RPS6KA2: variants seen among roughly 807,000 people sequenced by gnomAD.
The protein encoded by RPS6KA2 is ribosomal protein S6 kinase A2.
A neutral mutation model predicts 91.8 loss-of-function variants in RPS6KA2; 42 were observed. That is an observed-to-expected ratio of 0.46 (90% confidence interval 0.36 to 0.59). The LOEUF is 0.59. Among genes scored for constraint, RPS6KA2 ranks in the 20% least tolerant of loss-of-function variants. The pLI, the probability that RPS6KA2 is intolerant of heterozygous loss-of-function variation, is 0.00. For synonymous variants in RPS6KA2, 414 were observed against 393.6 expected (o/e 1.05, Z -0.61); for missense variants, 798 against 978.5 (o/e 0.82, Z 2.46).
intron 1 of RPS6KA2, among the ~76,000 whole-genome samples, chr6:166,572,934 T>G (rs1463062143): frequency 6.6e-6 from 1 of 152,200 alleles, no homozygotes; most frequent in Non-Finnish European, 1.5e-5. Context: ...CTCATGAGGT[T>G]GGGCCCAGGG....
Position 166,603,249 on chromosome 6 carries a change from A to G in RPS6KA2, c.99+23672T>C, listed in dbSNP as rs990068219. ...CTGCGTGACACAAGTTATGGTTTCT[A>G]AGGGACAGGGAAGCTTGGCTGAGAT... On this transcript the variant is annotated intron_variant, in intron 1 of 20. Coordinates refer to ENST00000265678, the MANE Select transcript of RPS6KA2 (RefSeq NM_021135.6). This position sits in a 1 kb window ranked among gnomAD's most constrained non-coding sequence, Gnocchi z 4.3. Among the ~76,000 whole-genome samples the G allele has an allele frequency of 6.6e-6, 1 of 152,190 alleles. No individual in the cohort carries two copies. Among genetic ancestry groups the G allele is most frequent in the African/African-American group, 2.4e-5 (1 of 41,448 alleles).
intron 3 of RPS6KA2, among the ~76,000 whole-genome samples, chr6:166,524,161 T>C (rs1051366706): frequency 1.3e-5 from 2 of 152,202 alleles, no homozygotes; most frequent in Non-Finnish European, 2.9e-5. Context: ...AGAGAGATTC[T>C]GCTGGAATGA....
chr6:166,578,663 T>C (rs1432862933), intron 1 of RPS6KA2, among the ~76,000 whole-genome samples: 1 of 152,246 alleles, frequency 6.6e-6, no homozygotes, highest in Non-Finnish European at 1.5e-5. Flanking sequence ...AGCGAGGTTT[T>C]GTAAACCTGA....
At position 166,480,515 on chromosome 6, in the gene RPS6KA2, AATATATT is replaced by A. The variant is rs1393981855; in HGVS notation, c.907+8311_907+8317del. Among the ~76,000 whole-genome samples, 40 of 84,348 alleles carry A rather than the reference AATATATT, an allele frequency of 4.7e-4. 2 individuals carry two copies. Among genetic ancestry groups the A allele is most frequent in the African/African-American group, 2.3e-3 (38 of 16,526 alleles). 55.3% of individuals were successfully genotyped at this position (84,348 alleles called of 152,430 possible). A position where few individuals can be genotyped will look rare whatever the true frequency, so the allele number is the denominator to read the frequency against. The stretch of plus-strand genomic sequence containing the variant: ...TATATATATATATATATATATATAT[AATATATT>A]TTTTTTTTTTGAGAGAGAGTTTTGC... On this transcript the variant is annotated intron_variant, in intron 10 of 20. Transcript: ENST00000265678.
chr6:166,680,335 A>C (rs995145618), intron 2 of RPS6KA2, among the ~76,000 whole-genome samples: 1 of 152,196 alleles, frequency 6.6e-6, no homozygotes, highest in African/African-American at 2.4e-5. Context: ...TCAGCTCTGT[A>C]AAATGGACCA....
intron 2 of RPS6KA2, among the ~76,000 whole-genome samples, chr6:166,643,238 C>A (rs1046805973): frequency 6.6e-6 from 1 of 152,018 alleles, no homozygotes; most frequent in African/African-American, 2.4e-5. Context: ...AGAAATAAAT[C>A]AAAATATGTA....
intron 1 of RPS6KA2, among the ~76,000 whole-genome samples, chr6:166,611,918 A>C (rs1786192897): frequency 6.6e-6 from 1 of 152,246 alleles, no homozygotes; most frequent in African/African-American, 2.4e-5. Flanking sequence ...TGGGTAGGGC[A>C]CACACGCCCA....
chr6:166,477,253 T>G (rs997566032), intron 10 of RPS6KA2, among the ~76,000 whole-genome samples: 1 of 152,130 alleles, frequency 6.6e-6, no homozygotes, highest in Admixed American at 6.6e-5. Flanking sequence ...GAAAGCTTGA[T>G]GATAACTCAC....
At chr6:166,860,211 C>G (rs1781013486) in intron 1 of RPS6KA2, among the ~76,000 whole-genome samples, 1 of 152,142 alleles carries the variant, frequency 6.6e-6, no homozygotes, top group Non-Finnish European at 1.5e-5. Context: ...CTCTGGTTTT[C>G]TGGGTTCCAA....
intron 2 of RPS6KA2, among the ~76,000 whole-genome samples, chr6:166,709,284 T>C (rs533046314): frequency 6.6e-6 from 1 of 151,644 alleles, no homozygotes; most frequent in African/African-American, 2.4e-5. Flanking sequence ...AGAACAATAG[T>C]CCCAGAAGTC....
rs1779739580 is a variant in RPS6KA2 at position 166,448,160 on chromosome 6, G to A, written c.1332+564C>T. On this transcript the variant is annotated intron_variant, in intron 14 of 20. Transcript: ENST00000265678. This position sits in a 1 kb window ranked among gnomAD's most constrained non-coding sequence, Gnocchi z 4.7. Reference sequence around the variant, plus strand: ...TTTCTCTATACTGTTCTTGACGGTTGGGAGTAAAACCATTAGCTCTCTGCC... The same window carrying A: ...TTTCTCTATACTGTTCTTGACGGTTAGGAGTAAAACCATTAGCTCTCTGCC... Among the ~76,000 whole-genome samples the A allele has an allele frequency of 6.6e-6, 1 of 152,198 alleles. No homozygotes were observed. The highest frequency in any genetic ancestry group is 1.5e-5 in the Non-Finnish European group (1 of 68,038).
intron 1 of RPS6KA2, among the ~76,000 whole-genome samples, chr6:166,602,552 C>A (rs1458195684): frequency 1.2e-4 from 18 of 152,186 alleles, no homozygotes. Context: ...CCAAGCGCTA[C>A]CCATCAGCAT....
In RPS6KA2 at chr6:166,494,205, C is replaced by T. The variant is rs1393688820; in HGVS notation, c.748-3464G>A. Among the ~76,000 whole-genome samples, 1 of 152,154 alleles carries T rather than the reference C, an allele frequency of 6.6e-6. No homozygotes were observed. Among genetic ancestry groups the T allele is most frequent in the Non-Finnish European group, 1.5e-5 (1 of 68,024 alleles). ...TCGGAGAGCTGTGTTGATCCATGCC[C>T]ATGTGTGGAGGTCCCTGTGTGCACA... On this transcript the variant is annotated intron_variant, in intron 8 of 20. Coordinates refer to ENST00000265678, the MANE Select transcript of RPS6KA2 (RefSeq NM_021135.6). The surrounding 1 kb of genome is among the most constrained non-coding windows in gnomAD (Gnocchi z 5.1).
chr6:166,651,185 C>T (rs1001401718), intron 2 of RPS6KA2, among the ~76,000 whole-genome samples: 7 of 152,276 alleles, frequency 4.6e-5, no homozygotes, highest in South Asian at 4.1e-4. Context: ...TCTACTTTAT[C>T]TCATACTTAT....
Position 166,459,457 on chromosome 6 carries a change from G to T in RPS6KA2, c.1067C>A (p.Thr356Lys), listed in dbSNP as rs748224061. Residue 356 changes from threonine (T) to lysine (K), a missense_variant, in exon 12 of 21, where the codon ACG becomes AAG. Coordinates refer to ENST00000265678, the MANE Select transcript of RPS6KA2 (RefSeq NM_021135.6). This position sits in a 1 kb window ranked among gnomAD's most constrained non-coding sequence, Gnocchi z 4.9. ...FHFDPEFTAR[T>K]PTDSPGVPPS... ...ACCACTGTGGCACACACCTGTGGGC[G>T]TCCGCGCTGTGAACTCGGGGTCAAA... The T allele has an allele frequency of 6.2e-7, 1 of 1,612,714 alleles. No individual in the cohort carries two copies. The highest frequency in any genetic ancestry group is 1.7e-5 in the Admixed American group (1 of 59,992).
chr6:166,826,137 G>A (rs540284281), intron 2 of RPS6KA2, among the ~76,000 whole-genome samples: 34 of 152,112 alleles, frequency 2.2e-4, no homozygotes, highest in Admixed American at 9.8e-4. Flanking sequence ...GTTATTAAGC[G>A]GCTGGGAAAA....
chr6:166,587,092 C>T (rs1429970363), intron 1 of RPS6KA2, among the ~76,000 whole-genome samples: 1 of 152,258 alleles, frequency 6.6e-6, no homozygotes, highest in East Asian at 1.9e-4. Flanking sequence ...CCCCCAAATC[C>T]CCATGTGGAA....
At chr6:166,543,583 T>C (rs1382657415) in intron 1 of RPS6KA2, among the ~76,000 whole-genome samples, 1 of 152,198 alleles carries the variant, frequency 6.6e-6, no homozygotes, top group Non-Finnish European at 1.5e-5. Context: ...CCTACTCCCC[T>C]GGGTTCGCTC....
Position 166,409,930 on chromosome 6 carries a change from A to T in RPS6KA2, c.*2832T>A, listed in dbSNP as rs2128432281. Reference sequence around the variant, plus strand: ...ATACATACACAGTTAGTTTAAAATCACAGACAAATCGGACTTGAGGGTAAA... The same window carrying T: ...ATACATACACAGTTAGTTTAAAATCTCAGACAAATCGGACTTGAGGGTAAA... On this transcript the variant is annotated 3_prime_UTR_variant, in exon 21 of 21. Transcript: ENST00000265678. 1 of 152,452 alleles carries T rather than the reference A, an allele frequency of 6.6e-6. No individual in the cohort carries two copies. The allele number at this position is 152,452 out of a possible 1,614,324, so 9.4% of individuals were successfully genotyped here. A position where few individuals can be genotyped will look rare whatever the true frequency, so the allele number is the denominator to read the frequency against.
Sources: allele counts gnomAD v4.1 joint callset (sites outside exome capture counted in the v4.1 genomes callset), GRCh38; gene constraint gnomAD v4.1.1; non-coding constraint Gnocchi (gnomAD v3.1); transcripts MANE v1.5; gene names NCBI Gene and HGNC (gene_info 2026-07-23, HGNC 2026-07-21).